Variants in CSNK1G2 observed in about 807,000 individuals in gnomAD.
CSNK1G2 encodes casein kinase I isoform gamma-2.
In CSNK1G2, 11 loss-of-function variants were observed where a neutral mutation model predicts 48.0. That is an observed-to-expected ratio of 0.23 (90% confidence interval 0.14 to 0.38). The LOEUF (loss-of-function observed/expected upper bound fraction) is 0.38, where lower values mean the gene tolerates loss of function less well. Among genes scored for constraint, CSNK1G2 ranks in the 10% least tolerant of loss-of-function variants. The probability of loss-of-function intolerance (pLI) is 1.00; values close to 1 mark genes in which losing one functional copy is unlikely to be tolerated. For missense variants in CSNK1G2, 446 were observed against 595.5 expected (o/e 0.75, Z 2.61); for synonymous variants, 337 against 254.1 (o/e 1.33, Z -3.10).
rs534204248 is a variant in CSNK1G2 at position 1,977,398 on chromosome 19, C to T, written c.188-907C>T. Among the ~76,000 whole-genome samples, 266 of 152,318 alleles carry T rather than the reference C, an allele frequency of 1.7e-3. 1 individual carries two copies. The highest frequency in any genetic ancestry group is 2.9e-3 in the Non-Finnish European group (196 of 68,014). On this transcript the variant is annotated intron_variant, in intron 2 of 11. Transcript: ENST00000255641. ...CCCAGGCCGGCTTCCACAGCTGCCC[C>T]TGCAGAGCGCCTCTGTGTTAAGGGC...
At position 1,979,819 on chromosome 19, in the gene CSNK1G2, C is replaced by T. The variant is rs758407129; in HGVS notation, c.1070C>T (p.Pro357Leu). The T allele has an allele frequency of 1.9e-5, 30 of 1,606,858 alleles. No individual in the cohort carries two copies. Among genetic ancestry groups the T allele is most frequent in the Admixed American group, 5.1e-5 (3 of 59,310 alleles). Residue 357 changes from proline to leucine, a missense_variant, in exon 10 of 12, where the codon CCG (proline) becomes CTG (leucine). By Grantham distance (98) the Pro-to-Leu change is moderately conservative (BLOSUM62 -3). This residue lies in a region of CSNK1G2 where 188 missense variants were observed against 179.6 expected (regional missense o/e 1.05). Coordinates refer to ENST00000255641, the MANE Select transcript of CSNK1G2 (RefSeq NM_001319.7). ...SQPQLRDKTQ[P>L]HSKNQALNST... ...CCTCAGCTCCGGGACAAAACCCAGC[C>T]GCACAGCAAAAACCAGGTGAGGCCC...
At chr19:1,954,015 C>T (rs1440704492) in intron 1 of CSNK1G2, 2 of 532,922 alleles carry the variant, frequency 3.8e-6, no homozygotes, top group South Asian at 2.8e-5. Context: ...CTGCAGTGCT[C>T]CGAGGACCGG....
rs1433008014 is a variant in CSNK1G2, at chr19:1,980,534, A to C, written c.*331A>C. On this transcript the variant is annotated 3_prime_UTR_variant, in exon 12 of 12. Transcript: ENST00000255641. ...GCCCCTCCGTTTCTTTGCTGAAGTG[A>C]GTAGTGTGATCCTGGAGGCCCCCCG... The C allele has an allele frequency of 8.1e-6, 3 of 369,612 alleles. No homozygotes were observed. The East Asian group carries it at 1.9e-4, about 23-fold the overall frequency. The allele number at this position is 369,612 out of a possible 1,614,324, so 22.9% of individuals were successfully genotyped here. A position where few individuals can be genotyped will look rare whatever the true frequency, so the allele number is the denominator to read the frequency against.
At position 1,978,539 on chromosome 19, in the gene CSNK1G2, G is replaced by A. The variant is rs775457030; in HGVS notation, c.298+28G>A. 21 of 1,567,966 alleles carry A rather than the reference G, an allele frequency of 1.3e-5. No individual in the cohort carries two copies. The highest frequency in any genetic ancestry group is 8.1e-5 in the African/African-American group (6 of 73,926). ...ACCGGGCGGCCCGCGGGTGGGGCGG[G>A]GGCTGCGCAGGGGCAGGGAGGGGGC... On this transcript the variant is annotated intron_variant, in intron 4 of 11. Coordinates refer to ENST00000255641, the MANE Select transcript of CSNK1G2 (RefSeq NM_001319.7). This position sits in a 1 kb window ranked among gnomAD's most constrained non-coding sequence, Gnocchi z 7.3.
intron 8 of CSNK1G2, 23 bp downstream of exon 8, chr19:1,979,426 C>T (rs1356232047): frequency 6.6e-7 from 1 of 1,523,274 alleles, no homozygotes; most frequent in South Asian, 1.2e-5. Flanking sequence ...TGCGCCCCCG[C>T]CCTGTGCCCC....
chr19:1,969,997 T>C lies in CSNK1G2; in HGVS notation c.187+38T>C, dbSNP rs775447855. ...TCGGTGGTAGGTGGGGTCGGGAGGC[T>C]GCTGGCAGGGCCGCCCCGAGTCACC... On this transcript the variant is annotated intron_variant, in intron 2 of 11. Transcript: ENST00000255641. The C allele has an allele frequency of 3.9e-6, 5 of 1,293,472 alleles. No individual in the cohort carries two copies. In the Admixed American group the frequency reaches 1.5e-4, roughly 40 times the overall value. The allele number at this position is 1,293,472 out of a possible 1,614,324, so 80.1% of individuals were successfully genotyped here. A position where few individuals can be genotyped will look rare whatever the true frequency, so the allele number is the denominator to read the frequency against.
At chr19:1,979,708 AC>A (rs2015907234) in intron 9 of CSNK1G2, 43 bp from the exon 10 acceptor site, 1 of 1,602,258 alleles carries the variant, frequency 6.2e-7, no homozygotes, top group African/African-American at 1.3e-5. Flanking sequence ...GGAGATGGGA[AC>A]CGGCGCTGCA....
In CSNK1G2 at chr19:1,957,290, C is replaced by T. The variant is rs1032592720; in HGVS notation, c.-265-12218C>T. 6.6e-6 allele frequency among the ~76,000 whole-genome samples: 1 copy of T among 152,344 alleles called. No individual in the cohort carries two copies. Among genetic ancestry groups the T allele is most frequent in the African/African-American group, 2.4e-5 (1 of 41,586 alleles). ...TGCCCAGGAGGGTGCCTTGCCCAGC[C>T]TGGAGGCCCGCAAGGATGAGAAGCA... On this transcript the variant is annotated intron_variant, in intron 1 of 11. Coordinates refer to ENST00000255641, the MANE Select transcript of CSNK1G2 (RefSeq NM_001319.7). This position sits in a 1 kb window ranked among gnomAD's most constrained non-coding sequence, Gnocchi z 5.4.
Position 1,979,230 on chromosome 19 carries a change from C to T in CSNK1G2, c.750C>T (p.Leu250=). 3 of 1,554,468 alleles carry T rather than the reference C, an allele frequency of 1.9e-6. No individual in the cohort carries two copies. The highest frequency in any genetic ancestry group is 2.6e-6 in the Non-Finnish European group (3 of 1,149,342). ...HMFMYFLRGS[L]PWQGLKADTL... Reference sequence around the variant, plus strand: ...TCATGTACTTCCTGCGCGGCAGCCTCCCCTGGCAGGGGCTCAAGGTGGGCG... The same window carrying T: ...TCATGTACTTCCTGCGCGGCAGCCTTCCCTGGCAGGGGCTCAAGGTGGGCG... The change falls in exon 7 of 12, where the codon CTC becomes CTT. Residue 250 remains leucine, a synonymous_variant. Coordinates refer to ENST00000255641, the MANE Select transcript of CSNK1G2 (RefSeq NM_001319.7).
intron 1 of CSNK1G2, among the ~76,000 whole-genome samples, chr19:1,944,872 G>A (rs1371996558): frequency 1.3e-5 from 2 of 152,206 alleles, no homozygotes; most frequent in Admixed American, 6.5e-5. Context: ...GGCCCAGTGA[G>A]CCTCCTCCCT....
At chr19:1,960,463 C>T (rs967978687) in intron 1 of CSNK1G2, among the ~76,000 whole-genome samples, 7 of 152,224 alleles carry the variant, frequency 4.6e-5, no homozygotes, top group South Asian at 2.1e-4. Flanking sequence ...AGTGTCCCCT[C>T]GGGATGTTTG....
intron 1 of CSNK1G2, among the ~76,000 whole-genome samples, chr19:1,963,451 A>T (rs909242880): frequency 6.6e-6 from 1 of 151,456 alleles, no homozygotes; most frequent in Non-Finnish European, 1.5e-5. Flanking sequence ...TGACCTCGTG[A>T]TCCCCCTGCC....
intron 1 of CSNK1G2, among the ~76,000 whole-genome samples, chr19:1,943,618 GA>G (rs1208415908): frequency 4.3e-4 from 66 of 152,098 alleles, no homozygotes; most frequent in African/African-American, 1.4e-3. Context: ...GCACGGTTGG[GA>G]GGGGGGGCAC....
At position 1,979,972 on chromosome 19, in the gene CSNK1G2, C is replaced by G. The variant is rs1271441011; in HGVS notation, c.1148C>G (p.Ala383Gly). 6.3e-7 allele frequency: 1 copy of G among 1,592,698 alleles called. No individual in the cohort carries two copies. ...GACCCCACGGCCGGCCACTCCAACGCCCCGATCACAGCGCCTGCAGAGGTG... is the reference window on the plus strand; with the variant it reads ...GACCCCACGGCCGGCCACTCCAACGGCCCGATCACAGCGCCTGCAGAGGTG... ...ADDPTAGHSNAPITAPAEVEV... is the reference protein window; with the variant it reads ...ADDPTAGHSNGPITAPAEVEV... The change falls in exon 11 of 12, where the codon GCC (alanine) becomes GGC (glycine). Residue 383 changes from alanine (A) to glycine (G), a missense_variant. Physicochemically the swap from Ala to Gly is moderately conservative, Grantham distance 60. Coordinates refer to ENST00000255641, the MANE Select transcript of CSNK1G2 (RefSeq NM_001319.7).
chr19:1,963,018 A>G (rs1351689516), intron 1 of CSNK1G2, among the ~76,000 whole-genome samples: 1 of 152,164 alleles, frequency 6.6e-6, no homozygotes, highest in Non-Finnish European at 1.5e-5. Context: ...GACTCAGGCC[A>G]CGGCGTGGAC....
chr19:1,968,206 C>T (rs113550110), intron 1 of CSNK1G2, among the ~76,000 whole-genome samples: 4 of 57,408 alleles, frequency 7.0e-5, no homozygotes, highest in African/African-American at 3.4e-4. Context: ...CTCCCTCCTC[C>T]CCAGGCTGCC....
At chr19:1,965,000 A>C (rs962415088) in intron 1 of CSNK1G2, among the ~76,000 whole-genome samples, 1 of 150,990 alleles carries the variant, frequency 6.6e-6, no homozygotes, top group Non-Finnish European at 1.5e-5. Flanking sequence ...TGCTGGGATT[A>C]CAGGTGTGAG....
At chr19:1,958,208 C>G (rs2015063970) in intron 1 of CSNK1G2, among the ~76,000 whole-genome samples, 1 of 151,894 alleles carries the variant, frequency 6.6e-6, no homozygotes, top group South Asian at 2.1e-4. Context: ...CCACCAAAGC[C>G]TGTGCCCCTG....
At chr19:1,976,313 G>A (rs1203997667) in intron 2 of CSNK1G2, among the ~76,000 whole-genome samples, 1 of 152,064 alleles carries the variant, frequency 6.6e-6, no homozygotes, top group African/African-American at 2.4e-5. Flanking sequence ...CTCAGGACTG[G>A]AGAGACCAGC....
Sources: allele counts gnomAD v4.1 joint callset (sites outside exome capture counted in the v4.1 genomes callset), GRCh38; gene constraint gnomAD v4.1.1; regional missense constraint gnomAD v4.1.1; non-coding constraint Gnocchi (gnomAD v3.1); transcripts MANE v1.5; gene names NCBI Gene and HGNC (gene_info 2026-07-23, HGNC 2026-07-21).